The following PLCH1 variants were observed in gnomAD, a reference collection of about 807,000 sequenced individuals.
PLCH1 encodes the protein phospholipase C eta 1, also known as 1-phosphatidylinositol 4,5-bisphosphate phosphodiesterase eta-1.
In PLCH1, 60 loss-of-function variants were observed where a neutral mutation model predicts 126.7. The ratio of observed to expected loss-of-function variants is 0.47; its 90% CI spans 0.38 to 0.59. The LOEUF is 0.59. Ranked by LOEUF, PLCH1 falls within the 20% of genes least tolerant of loss-of-function variation. PLCH1 has a pLI of 0.00. For missense variants in PLCH1, 1,723 were observed against 2,040.0 expected (o/e 0.84, Z 2.99); for synonymous variants, 719 against 734.9 (o/e 0.98, Z 0.35).
intron 10 of PLCH1, among the ~76,000 whole-genome samples, chr3:155,538,049 C>T (rs535990073): frequency 2.5e-4 from 38 of 152,192 alleles, no homozygotes; most frequent in African/African-American, 9.1e-4. Flanking sequence ...AGCAAGTACT[C>T]TCTAGGATCA....
chr3:155,738,731 G>A (rs1286889641), intron 1 of PLCH1, among the ~76,000 whole-genome samples: 4 of 150,932 alleles, frequency 2.7e-5, no homozygotes, highest in Non-Finnish European at 5.9e-5. Context: ...AGGTTGCAGT[G>A]AGCCGAGATC....
chr3:155,670,208 AAT>A (rs1743267754), intron 2 of PLCH1, among the ~76,000 whole-genome samples: 1 of 151,562 alleles, frequency 6.6e-6, no homozygotes, highest in Non-Finnish European at 1.5e-5. Context: ...TGCAAAGAGA[AAT>A]TATAAAAGAG....
At chr3:155,485,136 A>G (rs1714839825) in intron 22 of PLCH1, among the ~76,000 whole-genome samples, 1 of 152,086 alleles carries the variant, frequency 6.6e-6, no homozygotes, top group Non-Finnish European at 1.5e-5. Flanking sequence ...CTCACTGTCA[A>G]TTTCAGATGT....
rs999520595 is a variant in PLCH1 at position 155,734,727 on chromosome 3, G to C, written c.-41+10113C>G. 5.2e-4 allele frequency among the ~76,000 whole-genome samples: 30 copies of C among 58,052 alleles called. No homozygotes were observed. The East Asian group carries it at 0.013, about 26-fold the overall frequency. The allele number at this position is 58,052 out of a possible 152,430, so 38.1% of individuals were successfully genotyped here. ...TTCTTTTTCTTTTTTTTTTTTTTTT[G>C]AGACAGAGTCTCGCTCTGTCGCCCA... is the stretch of plus-strand genomic sequence containing the variant. On this transcript the variant is annotated intron_variant, in intron 1 of 22. Transcript: ENST00000460012.
At chr3:155,674,145 T>G (rs1743844420) in intron 2 of PLCH1, among the ~76,000 whole-genome samples, 1 of 152,216 alleles carries the variant, frequency 6.6e-6, no homozygotes, top group Non-Finnish European at 1.5e-5. Context: ...CTCCTGCTTC[T>G]AGTTTTATGT....
intron 19 of PLCH1, among the ~76,000 whole-genome samples, chr3:155,489,210 T>C (rs1385576748): frequency 6.6e-6 from 1 of 152,234 alleles, no homozygotes; most frequent in East Asian, 1.9e-4. Flanking sequence ...AAGATCCTGC[T>C]GCTGTAATAA....
At chr3:155,502,435 G>T (rs1252665047) in intron 13 of PLCH1, among the ~76,000 whole-genome samples, 1 of 152,142 alleles carries the variant, frequency 6.6e-6, no homozygotes, top group African/African-American at 2.4e-5. Flanking sequence ...ATAAATTTTA[G>T]TTAGGTGAAG....
At chr3:155,537,153 C>T (rs1723458683) in intron 10 of PLCH1, among the ~76,000 whole-genome samples, 1 of 139,826 alleles carries the variant, frequency 7.2e-6, no homozygotes, top group African/African-American at 2.9e-5. Context: ...AACAAAAATG[C>T]TGAGAGAATT....
At chr3:155,545,065 C>T (rs1336815917) in intron 10 of PLCH1, among the ~76,000 whole-genome samples, 119 of 131,826 alleles carry the variant, frequency 9.0e-4, no homozygotes, top group African/African-American at 9.3e-4. Flanking sequence ...AATAGAGACA[C>T]AAAAAACCCT....
intron 1 of PLCH1, among the ~76,000 whole-genome samples, chr3:155,717,916 C>G (rs1029639134): frequency 6.6e-6 from 1 of 152,156 alleles, no homozygotes; most frequent in African/African-American, 2.4e-5. Context: ...TACCACAAGG[C>G]CAGGCTGTGA....
chr3:155,630,627 C>T (rs1408843139), intron 2 of PLCH1, among the ~76,000 whole-genome samples: 6 of 152,132 alleles, frequency 3.9e-5, no homozygotes, highest in African/African-American at 1.2e-4. Context: ...TTTCTGACTC[C>T]GGCACTGTAG....
chr3:155,678,123 G>A (rs1198719769), intron 2 of PLCH1, among the ~76,000 whole-genome samples: 1 of 152,142 alleles, frequency 6.6e-6, no homozygotes, highest in Non-Finnish European at 1.5e-5. Context: ...CCAATCTGGG[G>A]TCAAGAAAGA....
At chr3:155,675,272 T>G (rs1743978502) in intron 2 of PLCH1, among the ~76,000 whole-genome samples, 1 of 152,212 alleles carries the variant, frequency 6.6e-6, no homozygotes, top group Non-Finnish European at 1.5e-5. Flanking sequence ...AAATTTCAGT[T>G]TGAAGGTAAC....
chr3:155,588,415 GCACCCA>G (rs1248644538), intron 4 of PLCH1, among the ~76,000 whole-genome samples: 3 of 152,084 alleles, frequency 2.0e-5, no homozygotes, highest in Admixed American at 2.0e-4. Flanking sequence ...AAGGCACGCA[GCACCCA>G]CTTCGGGCTT....
At position 155,469,213 on chromosome 3, in the gene PLCH1, G is replaced by A. The variant is rs1039731806; in HGVS notation, c.2938+16143C>T. 2.6e-5 allele frequency among the ~76,000 whole-genome samples: 4 copies of A among 152,294 alleles called. No individual in the cohort carries two copies. The East Asian group carries it at 5.8e-4, about 22-fold the overall frequency. On this transcript the variant is annotated intron_variant, in intron 21 of 21. Transcript: ENST00000494598. ...ACAGACAGTGGGCACAGGTCAGTGG[G>A]TGTGCGCACCGTGTGCGAGCCGAAG... is the stretch of plus-strand genomic sequence containing the variant.
chr3:155,688,320 T>C (rs13082172), intron 2 of PLCH1, among the ~76,000 whole-genome samples: 33,201 of 152,176 alleles, frequency 0.22, 4,097 homozygotes, highest in African/African-American at 0.34. Context: ...GAAAATGCAG[T>C]GATTTACAAG....
chr3:155,697,669 A>C (rs1745930713), intron 2 of PLCH1, among the ~76,000 whole-genome samples: 1 of 152,122 alleles, frequency 6.6e-6, no homozygotes, highest in African/African-American at 2.4e-5. Context: ...AAATACGGAG[A>C]GAAGAGAAAG....
At chr3:155,586,830 G>A (rs1210153672) in intron 4 of PLCH1, among the ~76,000 whole-genome samples, 1 of 151,956 alleles carries the variant, frequency 6.6e-6, no homozygotes, top group African/African-American at 2.4e-5. Flanking sequence ...ATCTATTATT[G>A]CAAAACACTA....
At chr3:155,739,876 T>C (rs1749489749) in intron 1 of PLCH1, among the ~76,000 whole-genome samples, 1 of 152,188 alleles carries the variant, frequency 6.6e-6, no homozygotes, top group Non-Finnish European at 1.5e-5. Context: ...ATAAGTGCCA[T>C]CACGTTAGGA....
Sources: gnomAD v4.1 joint callset for allele counts (sites outside exome capture counted in the v4.1 genomes callset) on GRCh38, gnomAD v4.1.1 for gene constraint, MANE v1.5 for transcripts, NCBI Gene and HGNC (gene_info 2026-07-23, HGNC 2026-07-21) for gene names.